Variants in INTS14 observed in about 807,000 individuals in gnomAD.
INTS14 encodes the protein UPF0464 protein C15orf44.
Under a neutral mutation model 56.9 loss-of-function variants are expected in INTS14, and 27 were observed. The ratio of observed to expected loss-of-function variants is 0.47; its 90% CI spans 0.35 to 0.65. The LOEUF (loss-of-function observed/expected upper bound fraction) is 0.65. INTS14 is among the 30% of genes least tolerant of loss of function. INTS14 has a pLI of 0.00. For missense variants in INTS14, 517 were observed against 632.2 expected (o/e 0.82, Z 1.95); for synonymous variants, 207 against 236.2 (o/e 0.88, Z 1.13).
rs2073575169 is a variant in INTS14, at chr15:65,604,627, G to A, written c.330+502C>T. Among the ~76,000 whole-genome samples the A allele has an allele frequency of 2.0e-5, 3 of 151,572 alleles. No individual in the cohort carries two copies. The South Asian group carries it at 6.3e-4, about 32-fold the overall frequency. On this transcript the variant is annotated intron_variant, in intron 3 of 11. Coordinates refer to ENST00000313182, the MANE Select transcript of INTS14 (RefSeq NM_001394796.1). ...TGCCTGTAGTCTCAGCTACTCAGGAGGACGAAGTGGGAGAATCACCTGAGC... is the reference window on the plus strand; with the variant it reads ...TGCCTGTAGTCTCAGCTACTCAGGAAGACGAAGTGGGAGAATCACCTGAGC...
intron 3 of INTS14, among the ~76,000 whole-genome samples, chr15:65,600,345 C>T (rs1362069119): frequency 6.8e-6 from 1 of 148,108 alleles, no homozygotes; most frequent in Non-Finnish European, 1.5e-5. Context: ...ACAAAAAAAA[C>T]AGGCCTGACA....
At chr15:65,581,547 C>CAAA (rs57782914) in intron 11 of INTS14, among the ~76,000 whole-genome samples, 27 of 47,766 alleles carry the variant, frequency 5.7e-4, no homozygotes, top group African/African-American at 1.4e-3. Flanking sequence ...GACTCCATCT[C>CAAA]AAAAAAAAAA....
chr15:65,607,187 G>A lies in INTS14; in HGVS notation c.194C>T (p.Pro65Leu), dbSNP rs1481808447. 1 of 1,614,166 alleles carries A rather than the reference G, an allele frequency of 6.2e-7. No individual in the cohort carries two copies. The highest frequency in any genetic ancestry group is 1.7e-5 in the Admixed American group (1 of 60,014). Residue 65 changes from proline (P) to leucine (L), a missense_variant, in exon 2 of 12, where the codon CCC becomes CTC. Coordinates refer to ENST00000313182, the MANE Select transcript of INTS14 (RefSeq NM_001394796.1). The part of the protein sequence containing the change: ...VFSSLWELMV[P>L]FTRDYNTLQE... ...TAGGGTATTATAATCTCTCGTGAAGGGGACCATCAACTCCCAAAGTGATGA... is the reference window on the plus strand; with the variant it reads ...TAGGGTATTATAATCTCTCGTGAAGAGGACCATCAACTCCCAAAGTGATGA...
At position 65,593,612 on chromosome 15, in the gene INTS14, TA is replaced by T. The variant is rs2073108900; in HGVS notation, c.842-41del. On this transcript the variant is annotated intron_variant, in intron 7 of 11. Transcript: ENST00000313182. Reference sequence around the variant, plus strand: ...GAAAACAGGTCAGACTGAAATTACCTACAAAAACCCCAAACCCCAATTTATA... The same window carrying T: ...GAAAACAGGTCAGACTGAAATTACCTCAAAAACCCCAAACCCCAATTTATA... 1.9e-6 allele frequency: 3 copies of T among 1,594,056 alleles called. No individual in the cohort carries two copies. The Admixed American group carries it at 5.3e-5, about 28-fold the overall frequency.
intron 6 of INTS14, among the ~76,000 whole-genome samples, chr15:65,597,859 C>G (rs570490644): frequency 6.6e-6 from 1 of 152,114 alleles, no homozygotes; most frequent in South Asian, 2.1e-4. Flanking sequence ...TTATAATTAT[C>G]TAGGATTGGA....
chr15:65,598,700 G>A (rs2073308782), intron 5 of INTS14, 172 bp downstream of exon 5: 1 of 700,438 alleles, frequency 1.4e-6, no homozygotes, highest in Non-Finnish European at 2.3e-6. Flanking sequence ...TCTACAGACA[G>A]TATAGATTTA....
chr15:65,600,326 C>T (rs2073384079), intron 3 of INTS14, among the ~76,000 whole-genome samples: 1 of 150,184 alleles, frequency 6.7e-6, no homozygotes, highest in Non-Finnish European at 1.5e-5. Context: ...CAAAACAAAA[C>T]AAAACAAAAC....
chr15:65,593,775 T>C (rs1391679721), intron 7 of INTS14, among the ~76,000 whole-genome samples: 1 of 151,220 alleles, frequency 6.6e-6, no homozygotes, highest in Non-Finnish European at 1.5e-5. Flanking sequence ...TCCATTTATA[T>C]AAAACATCCA....
At chr15:65,609,232 C>T (rs777504817) in intron 1 of INTS14, among the ~76,000 whole-genome samples, 1 of 152,114 alleles carries the variant, frequency 6.6e-6, no homozygotes, top group Non-Finnish European at 1.5e-5. Context: ...GGATTACAGG[C>T]GTGAGCCACC....
At chr15:65,591,824 C>T (rs957208857) in intron 8 of INTS14, 93 bp from the exon 9 acceptor site, 7 of 1,415,524 alleles carry the variant, frequency 4.9e-6, no homozygotes, top group South Asian at 1.4e-5. Context: ...TTGAGAGACA[C>T]AGGCTTCAGC....
intron 1 of INTS14, chr15:65,610,648 C>G: frequency 6.5e-7 from 1 of 1,531,162 alleles, no homozygotes; most frequent in Non-Finnish European, 8.8e-7. Flanking sequence ...CAGTCTCGCT[C>G]TCAAAGCAGG....
chr15:65,579,442 G>A lies in INTS14; in HGVS notation c.1523C>T (p.Thr508Met), dbSNP rs914550148. Residue 508 changes from threonine to methionine, a missense_variant, in exon 12 of 12, where the codon ACG becomes ATG. Transcript: ENST00000313182. ...AYDQNITPLH[T>M]DFSGSSTERI Reference sequence around the variant, plus strand: ...TTCAGTGCTGCTCCCAGAGAAGTCCGTGTGCAAAGGTGTGATGTTCTGGTC... The same window carrying A: ...TTCAGTGCTGCTCCCAGAGAAGTCCATGTGCAAAGGTGTGATGTTCTGGTC... 1 of 1,613,560 alleles carries A rather than the reference G, an allele frequency of 6.2e-7. No individual in the cohort carries two copies. Among genetic ancestry groups the A allele is most frequent in the South Asian group, 1.1e-5 (1 of 91,076 alleles).
At chr15:65,604,653 C>A (rs1197442937) in intron 3 of INTS14, among the ~76,000 whole-genome samples, 1 of 150,628 alleles carries the variant, frequency 6.6e-6, no homozygotes, top group East Asian at 1.9e-4. Context: ...TCACCTGAGC[C>A]TCGGTGGTTG....
At chr15:65,594,684 G>A (rs766047623) in intron 7 of INTS14, among the ~76,000 whole-genome samples, 9 of 151,434 alleles carry the variant, frequency 5.9e-5, no homozygotes, top group Non-Finnish European at 1.2e-4. Flanking sequence ...TTACAGGTGT[G>A]AGCTACCGCG....
intron 1 of INTS14, among the ~76,000 whole-genome samples, chr15:65,608,769 C>T (rs1271009965): frequency 6.6e-6 from 1 of 152,200 alleles, no homozygotes; most frequent in Admixed American, 6.5e-5. Flanking sequence ...TGGATATAAA[C>T]AGGTTAGAAA....
chr15:65,584,820 G>A lies in INTS14; in HGVS notation c.1189C>T (p.Arg397Cys), dbSNP rs1162540238. Residue 397 changes from arginine (R) to cysteine (C), a missense_variant, in exon 10 of 12, where the codon CGC becomes TGC. Arg to Cys is a radical substitution (Grantham distance 180). Coordinates refer to ENST00000313182, the MANE Select transcript of INTS14 (RefSeq NM_001394796.1). ...SPFPLQPKNK[R>C]SYAQNVTVWI... Reference sequence around the variant, plus strand: ...ACAGTCACATTCTGGGCATAACTGCGTTTGTTTTTGGGCTGCAGGGGGAAT... The same window carrying A: ...ACAGTCACATTCTGGGCATAACTGCATTTGTTTTTGGGCTGCAGGGGGAAT... 6 of 1,613,356 alleles carry A rather than the reference G, an allele frequency of 3.7e-6. No homozygotes were observed. The highest frequency in any genetic ancestry group is 3.4e-6 in the Non-Finnish European group (4 of 1,179,670).
chr15:65,600,322 A>G (rs2073383621), intron 3 of INTS14, among the ~76,000 whole-genome samples: 1 of 150,306 alleles, frequency 6.7e-6, no homozygotes, highest in Non-Finnish European at 1.5e-5. Flanking sequence ...AAAACAAAAC[A>G]AAACAAAACA....
At chr15:65,584,611 T>C (rs1368782949) in intron 10 of INTS14, among the ~76,000 whole-genome samples, 159 bp downstream of exon 10, 1 of 152,218 alleles carries the variant, frequency 6.6e-6, no homozygotes, top group Non-Finnish European at 1.5e-5. Context: ...ATACATGTTT[T>C]ACTGTAGGGC....
At chr15:65,583,960 T>C (rs1163980585) in intron 10 of INTS14, among the ~76,000 whole-genome samples, 1 of 152,216 alleles carries the variant, frequency 6.6e-6, no homozygotes, top group Non-Finnish European at 1.5e-5. Context: ...AAACTACTTT[T>C]GTTGTCCAAG....
Sources: allele counts gnomAD v4.1 joint callset (sites outside exome capture counted in the v4.1 genomes callset), GRCh38; gene constraint gnomAD v4.1.1; transcripts MANE v1.5; gene names NCBI Gene and HGNC (gene_info 2026-07-23, HGNC 2026-07-21).